The following MGMT variants were observed in gnomAD, a reference collection of about 807,000 sequenced individuals.
MGMT encodes the protein methylated-DNA--protein-cysteine methyltransferase.
In MGMT, 14 loss-of-function variants were observed where a neutral mutation model predicts 15.9. The ratio of observed to expected loss-of-function variants is 0.88; its 90% CI spans 0.58 to 1.37. The LOEUF is 1.37. Ranked by LOEUF, MGMT falls within the 40% of genes most tolerant of loss-of-function variation. MGMT has a pLI of 0.00. For synonymous variants in MGMT, 130 were observed against 118.2 expected (o/e 1.10, Z -0.65); for missense variants, 282 against 268.1 (o/e 1.05, Z -0.36).
chr10:129,749,763 A>C (rs61876575), intron 3 of MGMT, among the ~76,000 whole-genome samples: 18,771 of 152,196 alleles, frequency 0.12, 1,203 homozygotes, highest in Middle Eastern at 0.18. Context: ...TTTTTGCTCC[A>C]CATCCTTGCC....
intron 1 of MGMT, among the ~76,000 whole-genome samples, chr10:129,494,398 C>T (rs1845499902): frequency 6.6e-6 from 1 of 152,234 alleles, no homozygotes; most frequent in South Asian, 2.1e-4. Flanking sequence ...GAATGACCTG[C>T]TCAGTGGCCA....
At chr10:129,748,515 G>C (rs1343222671) in intron 3 of MGMT, among the ~76,000 whole-genome samples, 1 of 152,124 alleles carries the variant, frequency 6.6e-6, no homozygotes, top group Non-Finnish European at 1.5e-5. Flanking sequence ...GGGAGGAAAA[G>C]GCCAGTTCTT....
At chr10:129,727,198 C>G (rs1329263867) in intron 3 of MGMT, among the ~76,000 whole-genome samples, 1 of 152,170 alleles carries the variant, frequency 6.6e-6, no homozygotes, top group African/African-American at 2.4e-5. Flanking sequence ...CAAGCTACAG[C>G]AGGATATGGA....
chr10:129,615,423 C>T (rs1253559745), intron 2 of MGMT, among the ~76,000 whole-genome samples: 1 of 152,114 alleles, frequency 6.6e-6, no homozygotes, highest in Non-Finnish European at 1.5e-5. Flanking sequence ...ACTCAGATCT[C>T]TGAGCCTTAA....
rs527964422 is a variant in MGMT, at chr10:129,556,215, G to A, written c.125+19838G>A. ...CGCTCTGTTGGTCTCTGTGTAGCAC[G>A]TGGCCCCCAAAATTTAGGTGTTGAA... On this transcript the variant is annotated intron_variant, in intron 2 of 4. Coordinates refer to ENST00000651593, the MANE Select transcript of MGMT (RefSeq NM_002412.5). This position sits in a 1 kb window ranked among gnomAD's most constrained non-coding sequence, Gnocchi z 4.3. Among the ~76,000 whole-genome samples the A allele has an allele frequency of 5.9e-5, 9 of 152,268 alleles. No individual in the cohort carries two copies. The highest frequency in any genetic ancestry group is 3.4e-3 in the Middle Eastern group (1 of 294).
intron 4 of MGMT, among the ~76,000 whole-genome samples, chr10:129,760,138 C>T (rs1258214394): frequency 1.3e-5 from 2 of 152,194 alleles, no homozygotes; most frequent in African/African-American, 2.4e-5. Context: ...TGCCGTTGCT[C>T]TCCCATCTCA....
chr10:129,607,694 C>T (rs776606511), intron 2 of MGMT, among the ~76,000 whole-genome samples: 13 of 152,164 alleles, frequency 8.5e-5, no homozygotes, highest in South Asian at 2.1e-4. Flanking sequence ...TAAAGGAATT[C>T]GCAGTGCCAG....
At chr10:129,752,988 C>G (rs1228086177) in intron 3 of MGMT, among the ~76,000 whole-genome samples, 1 of 152,140 alleles carries the variant, frequency 6.6e-6, no homozygotes, top group Non-Finnish European at 1.5e-5. Context: ...TTTCCTTTAG[C>G]CATTCTAAAG....
chr10:129,722,509 C>G (rs1250795151), intron 3 of MGMT, among the ~76,000 whole-genome samples: 1 of 152,114 alleles, frequency 6.6e-6, no homozygotes, highest in East Asian at 1.9e-4. Context: ...TGCAAAGAGC[C>G]TAGAATATTT....
intron 3 of MGMT, among the ~76,000 whole-genome samples, chr10:129,729,445 C>T (rs1261347501): frequency 6.6e-6 from 1 of 152,208 alleles, no homozygotes; most frequent in Non-Finnish European, 1.5e-5. Context: ...AGCTGCCAGC[C>T]TCACCTGCGT....
intron 3 of MGMT, chr10:129,717,915 GTTGACGGTGCCCACAGCTCCTGCC>G (rs1323638860): frequency 1.3e-5 from 2 of 152,222 alleles, no homozygotes; most frequent in African/African-American, 4.8e-5. Context: ...CAGTGTTAGG[GTTGACGGTGCCCACAGCTCCTGCC>G]TTGCTCTGGT....
intron 2 of MGMT, among the ~76,000 whole-genome samples, chr10:129,564,837 G>A (rs961880595): frequency 6.6e-6 from 1 of 151,648 alleles, no homozygotes; most frequent in African/African-American, 2.4e-5. Flanking sequence ...CTGCCTCAAG[G>A]CCCTCAGGCC....
At chr10:129,749,713 T>C (rs1848732445) in intron 3 of MGMT, among the ~76,000 whole-genome samples, 1 of 152,178 alleles carries the variant, frequency 6.6e-6, no homozygotes, top group Non-Finnish European at 1.5e-5. Context: ...CCAAAGTGGC[T>C]TTACCATTTT....
chr10:129,579,430 C>T (rs749679453), intron 2 of MGMT, among the ~76,000 whole-genome samples: 2 of 152,192 alleles, frequency 1.3e-5, no homozygotes, highest in East Asian at 1.9e-4. Flanking sequence ...ATCATGGCAG[C>T]GTCAGATGGA....
At chr10:129,679,990 T>C (rs1489613753) in intron 2 of MGMT, among the ~76,000 whole-genome samples, 1 of 152,324 alleles carries the variant, frequency 6.6e-6, no homozygotes, top group East Asian at 1.9e-4. Flanking sequence ...AATCCCATAG[T>C]TTAAGTGTAG....
intron 2 of MGMT, among the ~76,000 whole-genome samples, chr10:129,691,367 A>T (rs1847967642): frequency 6.6e-6 from 1 of 152,180 alleles, no homozygotes; most frequent in African/African-American, 2.4e-5. Context: ...TGGCAACAGG[A>T]CTTGGGAGAG....
chr10:129,531,813 G>C (rs1161716280), intron 1 of MGMT, among the ~76,000 whole-genome samples: 4 of 151,276 alleles, frequency 2.6e-5, no homozygotes, highest in Non-Finnish European at 3.0e-5. Flanking sequence ...TGTGGGGGTG[G>C]GTTCCAGCTC....
intron 4 of MGMT, among the ~76,000 whole-genome samples, chr10:129,761,786 G>A (rs988330664): frequency 4.6e-5 from 7 of 152,150 alleles, no homozygotes; most frequent in Non-Finnish European, 8.8e-5. Flanking sequence ...CTCCTGTGCC[G>A]AGGGCAGCCA....
chr10:129,636,248 A>G (rs1398579745), intron 2 of MGMT, among the ~76,000 whole-genome samples: 4 of 152,184 alleles, frequency 2.6e-5, no homozygotes, highest in African/African-American at 4.8e-5. Flanking sequence ...CTTGGTCTAG[A>G]TCGTCACCTC....
Sources: gnomAD v4.1 joint callset for allele counts (sites outside exome capture counted in the v4.1 genomes callset) on GRCh38, gnomAD v4.1.1 for gene constraint, Gnocchi (gnomAD v3.1) non-coding constraint, MANE v1.5 for transcripts, NCBI Gene and HGNC (gene_info 2026-07-23, HGNC 2026-07-21) for gene names.